Variants in CACHD1 observed in about 807,000 individuals in gnomAD.
CACHD1 encodes the protein VWFA and cache domain-containing protein 1.
A neutral mutation model predicts 138.7 loss-of-function variants in CACHD1; 71 were observed. That is an observed-to-expected ratio of 0.51 (90% CI 0.42 to 0.62). The LOEUF is 0.62. Among genes scored for constraint, CACHD1 ranks in the 20% least tolerant of loss-of-function variants. The pLI is 0.00. For missense variants in CACHD1, 1,389 were observed against 1,625.3 expected (o/e 0.85, Z 2.50); for synonymous variants, 578 against 591.5 (o/e 0.98, Z 0.33).
At chr1:64,475,171 CTTTTTTT>C (rs3078373) in intron 1 of CACHD1, among the ~76,000 whole-genome samples, 18 of 124,286 alleles carry the variant, frequency 1.4e-4, no homozygotes, top group African/African-American at 4.6e-4. Context: ...AAATTCCTTC[CTTTTTTT>C]TTTTTTTTTT....
intron 1 of CACHD1, among the ~76,000 whole-genome samples, chr1:64,491,174 G>A (rs1224542624): frequency 6.6e-6 from 1 of 151,900 alleles, no homozygotes; most frequent in Non-Finnish European, 1.5e-5. Flanking sequence ...GTCCATGAAT[G>A]CCAGGGTCCC....
chr1:64,533,963 C>G (rs1646610577), intron 1 of CACHD1, among the ~76,000 whole-genome samples: 1 of 151,654 alleles, frequency 6.6e-6, no homozygotes, highest in Non-Finnish European at 1.5e-5. Context: ...CAGTGTTAGC[C>G]AGGATGGTCT....
chr1:64,624,107 A>G (rs997826591), intron 4 of CACHD1, among the ~76,000 whole-genome samples: 5 of 152,220 alleles, frequency 3.3e-5, no homozygotes, highest in African/African-American at 1.2e-4. Context: ...GCACATTGAT[A>G]GATTACTTCT....
chr1:64,644,652 G>C (rs902345462), intron 8 of CACHD1, among the ~76,000 whole-genome samples: 1 of 152,042 alleles, frequency 6.6e-6, no homozygotes. Context: ...AATCTAACCA[G>C]ACACACATCC....
intron 3 of CACHD1, among the ~76,000 whole-genome samples, chr1:64,591,405 G>C (rs1647098992): frequency 6.6e-6 from 1 of 152,220 alleles, no homozygotes; most frequent in Admixed American, 6.5e-5. Flanking sequence ...GCAAATGATG[G>C]AAGAGGCAGC....
intron 2 of CACHD1, among the ~76,000 whole-genome samples, chr1:64,569,769 C>A (rs1167584762): frequency 1.4e-5 from 2 of 143,268 alleles, no homozygotes; most frequent in African/African-American, 5.1e-5. Context: ...TTGAAAAAAA[C>A]ATGGATCTGG....
intron 15 of CACHD1, 75 bp downstream of exon 15, chr1:64,664,754 A>G: frequency 7.4e-7 from 1 of 1,344,082 alleles, no homozygotes; most frequent in Non-Finnish European, 1.0e-6. Flanking sequence ...CATACAATAA[A>G]GCAACTTCAG....
At chr1:64,546,998 G>T (rs1646723263) in intron 1 of CACHD1, among the ~76,000 whole-genome samples, 1 of 152,104 alleles carries the variant, frequency 6.6e-6, no homozygotes, top group Admixed American at 6.5e-5. Flanking sequence ...AAGGTGATAT[G>T]AATGAATTTG....
At chr1:64,631,069 T>TA (rs1298129201) in intron 5 of CACHD1, among the ~76,000 whole-genome samples, 21 of 152,344 alleles carry the variant, frequency 1.4e-4, no homozygotes, top group African/African-American at 5.1e-4. Flanking sequence ...AAGTGGTAGA[T>TA]ACCAGTCATT....
rs886920609 is a variant in CACHD1, at chr1:64,543,007, A to G, written c.199-7587A>G. ...CACATCAACACACACACACACACAC[A>G]CACACGCATAATTAGAATAATATTT... On this transcript the variant is annotated intron_variant, in intron 1 of 26. Transcript: ENST00000651257. 4.8e-4 allele frequency among the ~76,000 whole-genome samples: 73 copies of G among 152,016 alleles called. 1 individual carries two copies. Among genetic ancestry groups the G allele is most frequent in the Non-Finnish European group, 8.8e-5 (6 of 68,002 alleles).
intron 1 of CACHD1, among the ~76,000 whole-genome samples, chr1:64,480,026 T>C (rs928878343): frequency 6.6e-6 from 1 of 152,198 alleles, no homozygotes; most frequent in Non-Finnish European, 1.5e-5. Flanking sequence ...CCAAGTCCAG[T>C]TGGAGCCTGC....
At chr1:64,475,073 C>T (rs1000608149) in intron 1 of CACHD1, among the ~76,000 whole-genome samples, 1 of 151,170 alleles carries the variant, frequency 6.6e-6, no homozygotes, top group Non-Finnish European at 1.5e-5. Flanking sequence ...GCAGAAGTGT[C>T]AAAGATATAA....
chr1:64,641,722 C>A, intron 7 of CACHD1, 98 bp from the exon 8 acceptor site: 1 of 882,488 alleles, frequency 1.1e-6, no homozygotes, highest in Non-Finnish European at 1.7e-6. Context: ...CTAGGCAAGT[C>A]CTCGAGGTGG....
chr1:64,539,790 C>T (rs1646663445), intron 1 of CACHD1, among the ~76,000 whole-genome samples: 1 of 152,194 alleles, frequency 6.6e-6, no homozygotes, highest in Non-Finnish European at 1.5e-5. Flanking sequence ...AGTGAATGCT[C>T]TGAAATGCTC....
chr1:64,552,478 T>A (rs957165524), intron 2 of CACHD1, among the ~76,000 whole-genome samples: 1 of 151,060 alleles, frequency 6.6e-6, no homozygotes, highest in African/African-American at 2.4e-5. Context: ...TTTGTTTTTT[T>A]TTTTTTTTTG....
intron 2 of CACHD1, among the ~76,000 whole-genome samples, chr1:64,567,069 C>T (rs7550185): frequency 0.86 from 129,868 of 151,850 alleles, 56,858 homozygotes; most frequent in East Asian, 0.99. Context: ...TCTGTAGATA[C>T]TGGGGAATGA....
At chr1:64,646,295 C>G (rs1199915525) in intron 8 of CACHD1, among the ~76,000 whole-genome samples, 3 of 152,198 alleles carry the variant, frequency 2.0e-5, no homozygotes, top group African/African-American at 7.2e-5. Context: ...GTACCCCTCA[C>G]TCCCCATCTC....
At chr1:64,680,607 A>G (rs12044266) in intron 24 of CACHD1, among the ~76,000 whole-genome samples, 17,368 of 152,130 alleles carry the variant, frequency 0.11, 1,643 homozygotes, top group East Asian at 0.5. Context: ...TTTGCAGGGA[A>G]CAAAACTGTT....
intron 16 of CACHD1, among the ~76,000 whole-genome samples, chr1:64,667,055 C>T (rs1001940003): frequency 6.6e-6 from 1 of 151,990 alleles, no homozygotes. Context: ...ATATCAATAT[C>T]ACTGGAAATA....
Sources: allele counts gnomAD v4.1 joint callset (sites outside exome capture counted in the v4.1 genomes callset), GRCh38; gene constraint gnomAD v4.1.1; transcripts MANE v1.5; gene names NCBI Gene and HGNC (gene_info 2026-07-23, HGNC 2026-07-21).